The following ZNF787 variants were observed in gnomAD, a reference collection of about 807,000 sequenced individuals.
ZNF787 encodes the protein TTF-I-interacting peptide 20.
ZNF787 carries 7 observed loss-of-function variants against 16.9 expected under a neutral mutation model. The observed-to-expected ratio is 0.42, with a 90% CI of 0.24 to 0.78. The LOEUF is 0.78. Ranked by LOEUF, ZNF787 falls within the 30% of genes least tolerant of loss-of-function variation. ZNF787 has a pLI of 0.30. For missense variants in ZNF787, 551 were observed against 589.3 expected, an observed-to-expected ratio of 0.94 and a Z score of 0.67; for synonymous variants, 345 against 270.9, an observed-to-expected ratio of 1.27 and a Z score of -2.69.
chr19:56,113,179 G>A (rs2030029681), intron 1 of ZNF787, among the ~76,000 whole-genome samples: 1 of 152,168 alleles, frequency 6.6e-6, no homozygotes, highest in Admixed American at 6.5e-5. Context: ...GTCTGGGAGA[G>A]GCAGACCAAA....
At position 56,103,222 on chromosome 19, in the gene ZNF787, G is replaced by A; in HGVS notation, c.-5C>T. 1 of 1,550,616 alleles carries A rather than the reference G, an allele frequency of 6.4e-7. No homozygotes were observed. Among genetic ancestry groups the A allele is most frequent in the South Asian group, 1.2e-5 (1 of 80,346 alleles). On this transcript the variant is annotated 5_prime_UTR_variant, in exon 2 of 3. Transcript: ENST00000610935. The stretch of plus-strand genomic sequence containing the variant: ...GGCTTCTTCCCGCAGCTCCATGTCT[G>A]GGTCCCTGTTAGAAGGGGATGAGAC...
rs1555776030 is a variant in ZNF787 at position 56,096,262 on chromosome 19, T to TAAAAAAATA, written c.79+6876_79+6877insTATTTTTTT. On this transcript the variant is annotated intron_variant, in intron 2 of 2. Coordinates refer to ENST00000610935, the MANE Select transcript of ZNF787 (RefSeq NM_001002836.4). ...AAAAAAAATAAAAAAATAAAAAAAA[T>TAAAAAAATA]AAAAAAACTAGCTGGGTGTGGTGGC... Among the ~76,000 whole-genome samples, 109 of 138,744 alleles carry TAAAAAAATA rather than the reference T, an allele frequency of 7.9e-4. 1 individual carries two copies. The highest frequency in any genetic ancestry group is 3.4e-3 in the East Asian group (12 of 3,516). The allele number at this position is 138,744 out of a possible 152,430, so 91.0% of individuals were successfully genotyped here. A position where few individuals can be genotyped will look rare whatever the true frequency, so the allele number is the denominator to read the frequency against.
chr19:56,114,006 T>A (rs1046119873), intron 1 of ZNF787, among the ~76,000 whole-genome samples: 2 of 152,146 alleles, frequency 1.3e-5, no homozygotes, highest in African/African-American at 4.8e-5. Flanking sequence ...GGGCAAATTG[T>A]ACACTATGGG....
intron 1 of ZNF787, among the ~76,000 whole-genome samples, chr19:56,104,612 A>G (rs1986231382): frequency 6.6e-6 from 1 of 151,540 alleles, no homozygotes; most frequent in African/African-American, 2.4e-5. Flanking sequence ...TACACATGAC[A>G]CCACCAAACC....
chr19:56,106,309 C>A (rs954567269), intron 1 of ZNF787, among the ~76,000 whole-genome samples: 5 of 152,242 alleles, frequency 3.3e-5, no homozygotes, highest in African/African-American at 1.2e-4. Flanking sequence ...TGTACGGCGG[C>A]CACAGTGGTC....
At chr19:56,096,202 T>C (rs1481647091) in intron 2 of ZNF787, among the ~76,000 whole-genome samples, 2 of 149,986 alleles carry the variant, frequency 1.3e-5, no homozygotes, top group African/African-American at 4.9e-5. Flanking sequence ...GAGACCAGCC[T>C]GGGAAACATA....
In ZNF787 at chr19:56,088,175, G is replaced by T; in HGVS notation, c.997C>A (p.Arg333=). 4 of 1,549,066 alleles carry T rather than the reference G, an allele frequency of 2.6e-6. No individual in the cohort carries two copies. Among genetic ancestry groups the T allele is most frequent in the Admixed American group, 1.8e-5 (1 of 54,600 alleles). ...GEGFVQGAAL[R]RHKKIHAVGA... ...ACCGCGTGGATCTTCTTGTGTCTCCGGAGCGCGGCGCCCTGCACGAAGCCC... is the reference window on the plus strand; with the variant it reads ...ACCGCGTGGATCTTCTTGTGTCTCCTGAGCGCGGCGCCCTGCACGAAGCCC... Residue 333 remains arginine, a synonymous_variant, in exon 3 of 3, where the codon CGG becomes AGG. Transcript: ENST00000610935. This position sits in a 1 kb window ranked among gnomAD's most constrained non-coding sequence, Gnocchi z 8.6.
At position 56,087,968 on chromosome 19, in the gene ZNF787, G is replaced by T. The variant is rs1334620168; in HGVS notation, c.*55C>A. ...CCTGGGTCTCTTGGTCTTGCACGTC[G>T]TCGCTCCCGCCAAGCCCGAGGGGCC... On this transcript the variant is annotated 3_prime_UTR_variant, in exon 3 of 3. Transcript: ENST00000610935. 7.7e-7 allele frequency: 1 copy of T among 1,297,554 alleles called. No homozygotes were observed. Among genetic ancestry groups the T allele is most frequent in the African/African-American group, 1.6e-5 (1 of 62,740 alleles). 80.4% of individuals were successfully genotyped at this position (1,297,554 alleles called of 1,614,324 possible). A position where few individuals can be genotyped will look rare whatever the true frequency, so the allele number is the denominator to read the frequency against.
At chr19:56,110,845 T>G (rs909251156) in intron 1 of ZNF787, among the ~76,000 whole-genome samples, 1 of 152,092 alleles carries the variant, frequency 6.6e-6, no homozygotes, top group African/African-American at 2.4e-5. Context: ...CCAGCAGAGA[T>G]CACCTCTCAC....
intron 2 of ZNF787, among the ~76,000 whole-genome samples, chr19:56,097,323 C>G (rs1205187675): frequency 6.6e-6 from 1 of 152,206 alleles, no homozygotes; most frequent in Non-Finnish European, 1.5e-5. Context: ...AGAAAAAAAT[C>G]ACAAAATTTC....
intron 1 of ZNF787, among the ~76,000 whole-genome samples, chr19:56,115,386 T>A (rs963462547): frequency 1.7e-4 from 21 of 123,136 alleles, no homozygotes; most frequent in Non-Finnish European, 2.0e-4. Context: ...TGAGACGGAG[T>A]CTTGCTCTGT....
intron 1 of ZNF787, among the ~76,000 whole-genome samples, chr19:56,116,012 A>G (rs2030126507): frequency 6.6e-6 from 1 of 152,092 alleles, no homozygotes; most frequent in South Asian, 2.1e-4. Flanking sequence ...AGGTTCATAC[A>G]TTGTCACAAA....
At chr19:56,113,563 C>A (rs1169708637) in intron 1 of ZNF787, among the ~76,000 whole-genome samples, 1 of 152,088 alleles carries the variant, frequency 6.6e-6, no homozygotes, top group African/African-American at 2.4e-5. Context: ...ACAGGGATGA[C>A]CCTCGAACAC....
In ZNF787 at chr19:56,091,896, TGCCGCA is replaced by T. The variant is rs796616298; in HGVS notation, c.80-2810_80-2805del. 5.6e-3 allele frequency among the ~76,000 whole-genome samples: 800 copies of T among 142,784 alleles called. 9 individuals carry two copies. The highest frequency in any genetic ancestry group is 0.014 in the African/African-American group (472 of 34,582). The allele number at this position is 142,784 out of a possible 152,430, so 93.7% of individuals were successfully genotyped here. On this transcript the variant is annotated intron_variant, in intron 2 of 2. Coordinates refer to ENST00000610935, the MANE Select transcript of ZNF787 (RefSeq NM_001002836.4). ...ATGGGCCAAGATGAGCCGCTCCACT[TGCCGCA>T]GCCGCAGCCGCAGCCGCAGCCGAAG...
Position 56,115,578 on chromosome 19 carries a change from G to A in ZNF787, c.-11+5594C>T, listed in dbSNP as rs546544474. Among the ~76,000 whole-genome samples the A allele has an allele frequency of 2.6e-5, 4 of 151,858 alleles. No homozygotes were observed. The East Asian group carries it at 5.8e-4, about 22-fold the overall frequency. On this transcript the variant is annotated intron_variant, in intron 1 of 2. Coordinates refer to ENST00000610935, the MANE Select transcript of ZNF787 (RefSeq NM_001002836.4). ...ATTCACCATGTTAGCCAGGATGGTC[G>A]CTGCTCTATTCTTTTCCAGCCACTT...
chr19:56,088,072 T>G lies in ZNF787; in HGVS notation c.1100A>C (p.Glu367Ala), dbSNP rs1029507866. The change falls in exon 3 of 3, where the codon GAG becomes GCG. Residue 367 changes from glutamate (E) to alanine (A), a missense_variant. Glu to Ala is a moderately radical substitution (Grantham distance 107). This residue lies in a region of ZNF787 where 392 missense variants were observed against 312.7 expected (regional missense o/e 1.25). Transcript: ENST00000610935. This position sits in a 1 kb window ranked among gnomAD's most constrained non-coding sequence, Gnocchi z 8.6. ...CTCGGGGCACCGCCCGCCCGCGGCC[T>G]CGTCGTCGTCGTCCTCCTCCTCCCC... ...AGGEEEDDDD[E>A]AAGGRCPECR... is the part of the protein sequence containing the mutation. The G allele has an allele frequency of 3.9e-5, 47 of 1,218,882 alleles. No individual in the cohort carries two copies. Among genetic ancestry groups the G allele is most frequent in the South Asian group, 3.6e-4 (26 of 72,484 alleles). 75.5% of individuals were successfully genotyped at this position (1,218,882 alleles called of 1,614,324 possible).
intron 2 of ZNF787, among the ~76,000 whole-genome samples, chr19:56,098,906 C>T (rs937774863): frequency 2.8e-4 from 42 of 151,990 alleles, no homozygotes; most frequent in African/African-American, 9.7e-4. Context: ...GGTGATAAGG[C>T]GGCACCAGAG....
intron 1 of ZNF787, among the ~76,000 whole-genome samples, chr19:56,118,885 C>T (rs578039887): frequency 6.6e-6 from 1 of 152,270 alleles, no homozygotes; most frequent in East Asian, 1.9e-4. Context: ...GCTGTGACCC[C>T]TGCCATTCCC....
Position 56,101,050 on chromosome 19 carries a change from G to C in ZNF787, c.79+2089C>G, listed in dbSNP as rs1327709220. 1.4e-5 allele frequency among the ~76,000 whole-genome samples: 2 copies of C among 144,182 alleles called. 1 individual carries two copies. Among genetic ancestry groups the C allele is most frequent in the Non-Finnish European group, 3.0e-5 (2 of 66,140 alleles). The allele number at this position is 144,182 out of a possible 152,430, so 94.6% of individuals were successfully genotyped here. Reference sequence around the variant, plus strand: ...TACGAAGTCTGTCACTGTCACATAGGAGGGACGCACGTAAGTGGGACCCCA... The same window carrying C: ...TACGAAGTCTGTCACTGTCACATAGCAGGGACGCACGTAAGTGGGACCCCA... On this transcript the variant is annotated intron_variant, in intron 2 of 2. Coordinates refer to ENST00000610935, the MANE Select transcript of ZNF787 (RefSeq NM_001002836.4).
Sources: allele counts gnomAD v4.1 joint callset (sites outside exome capture counted in the v4.1 genomes callset), GRCh38; gene constraint gnomAD v4.1.1; regional missense constraint gnomAD v4.1.1; non-coding constraint Gnocchi (gnomAD v3.1); transcripts MANE v1.5; gene names NCBI Gene and HGNC (gene_info 2026-07-23, HGNC 2026-07-21).